Variants in FKBP5 observed in about 807,000 individuals in gnomAD.
FKBP5 encodes peptidyl-prolyl cis-trans isomerase FKBP5.
In FKBP5, 23 loss-of-function variants were observed where a neutral mutation model predicts 50.5. The observed-to-expected ratio is 0.46, with a 90% CI of 0.33 to 0.65. The LOEUF is 0.65. FKBP5 is among the 30% of genes least tolerant of loss of function. The probability of loss-of-function intolerance (pLI) is 0.02; values close to 1 mark genes in which losing one functional copy is unlikely to be tolerated. For synonymous variants in FKBP5, 176 were observed against 190.6 expected, an observed-to-expected ratio of 0.92 and a Z score of 0.63; for missense variants, 411 against 553.1, an observed-to-expected ratio of 0.74 and a Z score of 2.58.
rs149991195 is a variant in FKBP5 at position 35,581,868 on chromosome 6, C to T, written c.841-1647G>A. The T allele has an allele frequency of 2.1e-3, 2,088 of 985,456 alleles. 13 individuals carry two copies. The African/African-American group carries it at 0.024, about 11-fold the overall frequency. The allele number at this position is 985,456 out of a possible 1,614,324, so 61.0% of individuals were successfully genotyped here. A position where few individuals can be genotyped will look rare whatever the true frequency, so the allele number is the denominator to read the frequency against. On this transcript the variant is annotated intron_variant, in intron 8 of 10. Transcript: ENST00000357266. ...ACCATGTTACTAGGATTTACCACAG[C>T]CCAAGCAGCGCGTACATCTCACTGC... is the stretch of plus-strand genomic sequence containing the variant.
intron 5 of FKBP5, among the ~76,000 whole-genome samples, chr6:35,602,676 A>C (rs1268710077): frequency 2.0e-5 from 3 of 152,010 alleles, no homozygotes; most frequent in Non-Finnish European, 4.4e-5. Flanking sequence ...TCCAACACGC[A>C]TGGTGGTCAG....
chr6:35,578,586 G>C (rs1158568751), intron 9 of FKBP5, among the ~76,000 whole-genome samples: 2 of 152,064 alleles, frequency 1.3e-5, no homozygotes, highest in Admixed American at 6.6e-5. Context: ...GGGCCAACAT[G>C]GTGAAACCCT....
In FKBP5 at chr6:35,575,121, T is replaced by C. The variant is rs1762172866; in HGVS notation, c.*714A>G. 6.6e-6 allele frequency: 1 copy of C among 152,180 alleles called. No individual in the cohort carries two copies. The allele number at this position is 152,180 out of a possible 1,614,324, so 9.4% of individuals were successfully genotyped here. A position where few individuals can be genotyped will look rare whatever the true frequency, so the allele number is the denominator to read the frequency against. ...ACTCTCATCTGCTCATTATCATTGC[T>C]GAAGGGTGTTTTAGGAATGACAGAA... On this transcript the variant is annotated 3_prime_UTR_variant, in exon 11 of 11. Coordinates refer to ENST00000357266, the MANE Select transcript of FKBP5 (RefSeq NM_004117.4).
chr6:35,588,750 G>A (rs902939987), intron 7 of FKBP5, among the ~76,000 whole-genome samples: 1 of 150,860 alleles, frequency 6.6e-6, no homozygotes, highest in African/African-American at 2.4e-5. Context: ...ACAAGCATGT[G>A]CCACCATGTC....
At chr6:35,708,605 T>C (rs1391158853) in intron 2 of FKBP5, among the ~76,000 whole-genome samples, 1 of 152,014 alleles carries the variant, frequency 6.6e-6, no homozygotes, top group Non-Finnish European at 1.5e-5. Flanking sequence ...CAAATCTATG[T>C]ATACTTGTAA....
chr6:35,635,026 C>CAAAAAAAAAAAAAAA lies in FKBP5; in HGVS notation c.250+1973_250+1987dup, dbSNP rs35794477. On this transcript the variant is annotated intron_variant, in intron 3 of 10. Transcript: ENST00000357266. ...GCAACATGGTGAAACCCTGTCTCTACAAAAAAAAAAAAAAAAAAAAAATTA... is the reference window on the plus strand; with the variant it reads ...GCAACATGGTGAAACCCTGTCTCTACAAAAAAAAAAAAAAAAAAAAAAAAAAAAAAAAAAAAATTA... 7.6e-4 allele frequency among the ~76,000 whole-genome samples: 57 copies of CAAAAAAAAAAAAAAA among 75,108 alleles called. 1 individual carries two copies. The highest frequency in any genetic ancestry group is 2.7e-3 in the African/African-American group (50 of 18,328). 49.3% of individuals were successfully genotyped at this position (75,108 alleles called of 152,430 possible).
intron 1 of FKBP5, among the ~76,000 whole-genome samples, chr6:35,726,283 G>C (rs1766707924): frequency 6.6e-6 from 1 of 152,178 alleles, no homozygotes; most frequent in African/African-American, 2.4e-5. Flanking sequence ...GTAGTACGTA[G>C]GAGTGGCAGG....
At chr6:35,720,057 G>A (rs1249634657) in intron 2 of FKBP5, among the ~76,000 whole-genome samples, 1 of 152,234 alleles carries the variant, frequency 6.6e-6, no homozygotes, top group African/African-American at 2.4e-5. Context: ...GGCAGTTGGG[G>A]GCTAGGGCGG....
At chr6:35,594,964 G>A (rs1452821676) in intron 6 of FKBP5, among the ~76,000 whole-genome samples, 5 of 152,104 alleles carry the variant, frequency 3.3e-5, no homozygotes, top group Admixed American at 3.3e-4. Context: ...GTGGTCCGAG[G>A]GTAAAATGGA....
intron 9 of FKBP5, among the ~76,000 whole-genome samples, chr6:35,579,156 G>A (rs912419283): frequency 3.4e-5 from 5 of 148,224 alleles, no homozygotes; most frequent in East Asian, 1.9e-4. Context: ...ACACGCGCGC[G>A]CGCACACACT....
At chr6:35,641,653 A>T (rs116771139) in intron 2 of FKBP5, among the ~76,000 whole-genome samples, 1,858 of 152,344 alleles carry the variant, frequency 0.012, 29 homozygotes, top group African/African-American at 0.038. Flanking sequence ...ATATATTCTA[A>T]GAGGAAATCG....
chr6:35,714,863 C>T (rs902993476), intron 2 of FKBP5, among the ~76,000 whole-genome samples: 2 of 151,604 alleles, frequency 1.3e-5, no homozygotes, highest in Non-Finnish European at 2.9e-5. Flanking sequence ...ATAGGTTTAG[C>T]GTGGCAGATG....
At chr6:35,700,664 A>G (rs1050761818) in intron 2 of FKBP5, among the ~76,000 whole-genome samples, 2 of 152,222 alleles carry the variant, frequency 1.3e-5, no homozygotes, top group East Asian at 3.8e-4. Flanking sequence ...GCCACATTTA[A>G]TAAATAAAAA....
At chr6:35,611,869 A>C (rs1763502950) in intron 5 of FKBP5, among the ~76,000 whole-genome samples, 1 of 152,240 alleles carries the variant, frequency 6.6e-6, no homozygotes. Flanking sequence ...TCTTCCACAC[A>C]GAGACAAATT....
At chr6:35,577,499 T>C (rs1184694011) in intron 9 of FKBP5, among the ~76,000 whole-genome samples, 1 of 152,046 alleles carries the variant, frequency 6.6e-6, no homozygotes, top group Non-Finnish European at 1.5e-5. Flanking sequence ...TGCCCAAGAA[T>C]GGCTGAAAAA....
In FKBP5 at chr6:35,597,407, G is replaced by A. The variant is rs761375512; in HGVS notation, c.509-3C>T. 1 of 1,612,734 alleles carries A rather than the reference G, an allele frequency of 6.2e-7. No homozygotes were observed. The highest frequency in any genetic ancestry group is 1.1e-5 in the South Asian group (1 of 90,890). ...ACCACAGCGGCCTTCCAGGTGGACT[G>A]AGGGCAAGGAGACAGGAGAGTCAAC... is the stretch of plus-strand genomic sequence containing the variant. On this transcript the variant is annotated splice_polypyrimidine_tract_variant and splice_region_variant and intron_variant, in intron 5 of 10. Transcript: ENST00000357266.
intron 1 of FKBP5, among the ~76,000 whole-genome samples, chr6:35,678,216 C>G (rs1765574807): frequency 6.6e-6 from 1 of 151,982 alleles, no homozygotes. Flanking sequence ...AGAGGGAAGT[C>G]AGGAAGAGAA....
At chr6:35,641,759 C>T (rs1354652382) in intron 2 of FKBP5, among the ~76,000 whole-genome samples, 1 of 152,108 alleles carries the variant, frequency 6.6e-6, no homozygotes, top group Non-Finnish European at 1.5e-5. Flanking sequence ...AATCCCAACA[C>T]TTTGCGAGGC....
chr6:35,579,164 A>ACTCTCTCT lies in FKBP5; in HGVS notation c.1026+864_1026+871dup, dbSNP rs111398353. On this transcript the variant is annotated intron_variant, in intron 9 of 10. Transcript: ENST00000357266. ...AACACACACACGCGCGCGCGCACAC[A>ACTCTCTCT]CTCTCTCTCTCTCTCTCTCCGCTCT... Among the ~76,000 whole-genome samples, 14 of 148,118 alleles carry ACTCTCTCT rather than the reference A, an allele frequency of 9.5e-5. No homozygotes were observed. The East Asian group carries it at 2.8e-3, about 29-fold the overall frequency.
Sources: gnomAD v4.1 joint callset for allele counts (sites outside exome capture counted in the v4.1 genomes callset) on GRCh38, gnomAD v4.1.1 for gene constraint, MANE v1.5 for transcripts, NCBI Gene and HGNC (gene_info 2026-07-23, HGNC 2026-07-21) for gene names.